RGS6: variants seen among roughly 807,000 people sequenced by gnomAD.
RGS6 encodes regulator of G-protein signaling 6.
RGS6 carries 30 observed loss-of-function variants against 78.5 expected under a neutral mutation model. The ratio of observed to expected loss-of-function variants is 0.38; its 90% CI spans 0.29 to 0.52. The LOEUF (loss-of-function observed/expected upper bound fraction) is 0.52, where lower values mean the gene tolerates loss of function less well. Among genes scored for constraint, RGS6 ranks in the 20% least tolerant of loss-of-function variants. The probability of loss-of-function intolerance (pLI) is 0.85; values close to 1 mark genes in which losing one functional copy is unlikely to be tolerated. For missense variants in RGS6, 495 were observed against 609.7 expected (o/e 0.81, Z 1.98); for synonymous variants, 206 against 206.0 (o/e 1.00, Z 0.00).
intron 2 of RGS6, among the ~76,000 whole-genome samples, chr14:72,140,260 A>G (rs1201531535): frequency 6.6e-6 from 1 of 152,262 alleles, no homozygotes; most frequent in Non-Finnish European, 1.5e-5. Flanking sequence ...GATCTCCTGT[A>G]GGAAGAGAAG....
Position 72,518,521 on chromosome 14 carries a change from C to T in RGS6, c.1262C>T (p.Thr421Ile). 6.2e-7 allele frequency: 1 copy of T among 1,614,102 alleles called. No individual in the cohort carries two copies. Among genetic ancestry groups the T allele is most frequent in the Non-Finnish European group, 8.5e-7 (1 of 1,179,954 alleles). Reference sequence around the variant, plus strand: ...AATGTCAAAGATGGAGGGAGATATACATTTGAAGACGCCCAGGTTTGCTTA... The same window carrying T: ...AATGTCAAAGATGGAGGGAGATATATATTTGAAGACGCCCAGGTTTGCTTA... Reference protein sequence around the residue: ...SQNVKDGGRYTFEDAQEHIYK... With the variant: ...SQNVKDGGRYIFEDAQEHIYK... The change falls in exon 15 of 18, where the codon ACA becomes ATA. Residue 421 changes from threonine to isoleucine, a missense_variant. Thr to Ile is a moderately conservative substitution (Grantham distance 89). Coordinates refer to ENST00000553525, the MANE Select transcript of RGS6 (RefSeq NM_001204424.2).
At chr14:71,915,673 G>A in the RGS6 span, among the ~76,000 whole-genome samples, 1 of 152,330 alleles carries the variant, frequency 6.6e-6, no homozygotes, top group South Asian at 2.1e-4. Context: ...TTGTGCTGAA[G>A]TGATTGGTTC....
At chr14:72,404,825 C>T (rs564199994) in intron 3 of RGS6, among the ~76,000 whole-genome samples, 2 of 152,250 alleles carry the variant, frequency 1.3e-5, no homozygotes, top group East Asian at 3.9e-4. Flanking sequence ...ATAGCGAGAG[C>T]ACCTCAGAAG....
chr14:72,207,373 T>C (rs2153748786), intron 2 of RGS6, among the ~76,000 whole-genome samples: 1 of 152,344 alleles, frequency 6.6e-6, no homozygotes, highest in Admixed American at 6.5e-5. Context: ...AAACTAGGCA[T>C]TTGAAATGGG....
At chr14:71,956,694 G>A (rs1055838036) in intron 1 of RGS6, among the ~76,000 whole-genome samples, 4 of 152,052 alleles carry the variant, frequency 2.6e-5, no homozygotes, top group African/African-American at 7.2e-5. Flanking sequence ...CCCAGCCCAC[G>A]GACTTAAATG....
Position 72,478,410 on chromosome 14 carries a change from T to C in RGS6, c.854+81T>C, listed in dbSNP as rs1217492950. ...GTTACAGGGTTATGGTTAACGAATG[T>C]GTTCAATGCCAAGAGTTAGACTGTA... On this transcript the variant is annotated intron_variant, in intron 12 of 17. Coordinates refer to ENST00000553525, the MANE Select transcript of RGS6 (RefSeq NM_001204424.2). 8 of 1,003,638 alleles carry C rather than the reference T, an allele frequency of 8.0e-6. 1 individual carries two copies. Among genetic ancestry groups the C allele is most frequent in the Middle Eastern group, 6.0e-4 (2 of 3,356 alleles). The allele number at this position is 1,003,638 out of a possible 1,614,324, so 62.2% of individuals were successfully genotyped here.
intron 2 of RGS6, among the ~76,000 whole-genome samples, chr14:72,037,413 C>T (rs777082138): frequency 9.2e-5 from 14 of 152,130 alleles, no homozygotes; most frequent in African/African-American, 1.9e-4. Context: ...TCAGCGAGGC[C>T]GTGAACTCAC....
intron 3 of RGS6, among the ~76,000 whole-genome samples, chr14:72,437,289 C>T (rs569925941): frequency 2.8e-5 from 4 of 144,442 alleles, no homozygotes; most frequent in Non-Finnish European, 6.0e-5. Flanking sequence ...TGCAGTGAGC[C>T]GAGATCATGC....
At chr14:71,976,710 C>G (rs539889358) in intron 2 of RGS6, among the ~76,000 whole-genome samples, 4 of 152,124 alleles carry the variant, frequency 2.6e-5, no homozygotes, top group African/African-American at 7.2e-5. Context: ...TGAATAATGC[C>G]GCAATAAACA....
At chr14:72,282,637 A>G (rs2061772643) in intron 2 of RGS6, among the ~76,000 whole-genome samples, 1 of 152,200 alleles carries the variant, frequency 6.6e-6, no homozygotes, top group South Asian at 2.1e-4. Flanking sequence ...AAAAGGACAC[A>G]TATTTCATGT....
intron 14 of RGS6, among the ~76,000 whole-genome samples, chr14:72,516,593 C>T (rs1029289458): frequency 2.6e-5 from 4 of 152,172 alleles, no homozygotes; most frequent in African/African-American, 7.2e-5. Context: ...AGGCCACCTG[C>T]GGAGAGAAGG....
At chr14:72,115,515 A>G (rs2095866531) in intron 2 of RGS6, among the ~76,000 whole-genome samples, 1 of 151,874 alleles carries the variant, frequency 6.6e-6, no homozygotes, top group African/African-American at 2.4e-5. Context: ...TCTCCATGGA[A>G]CTCAGCCTGC....
intron 14 of RGS6, among the ~76,000 whole-genome samples, chr14:72,512,921 G>A (rs1316718111): frequency 6.6e-6 from 1 of 152,234 alleles, no homozygotes; most frequent in Non-Finnish European, 1.5e-5. Context: ...TGGCTATACA[G>A]ATGCACCTCC....
intron 3 of RGS6, among the ~76,000 whole-genome samples, chr14:72,396,722 T>C (rs903423220): frequency 4.6e-5 from 7 of 152,108 alleles, no homozygotes; most frequent in African/African-American, 1.2e-4. Flanking sequence ...AATTTTTGTA[T>C]AAGGTGTAAG....
At chr14:72,461,113 C>T (rs1289625269) in intron 6 of RGS6, among the ~76,000 whole-genome samples, 1 of 152,144 alleles carries the variant, frequency 6.6e-6, no homozygotes, top group African/African-American at 2.4e-5. Context: ...GTGAGAGCTG[C>T]ATTTGACCGC....
At chr14:72,447,969 G>A (rs1274163388) in intron 3 of RGS6, among the ~76,000 whole-genome samples, 1 of 152,176 alleles carries the variant, frequency 6.6e-6, no homozygotes, top group Admixed American at 6.5e-5. Flanking sequence ...CTCCCGCAGT[G>A]TACTGTTCTC....
the RGS6 span, among the ~76,000 whole-genome samples, chr14:71,906,421 G>A: frequency 6.6e-5 from 10 of 152,326 alleles, no homozygotes; most frequent in African/African-American, 2.2e-4. Context: ...CAGACTGGGT[G>A]AGGAAGTGTC....
the RGS6 span, among the ~76,000 whole-genome samples, chr14:71,902,725 T>G: frequency 6.6e-6 from 1 of 152,180 alleles, no homozygotes; most frequent in African/African-American, 2.4e-5. Context: ...AATAAAAACA[T>G]AAACTTATTT....
At chr14:72,358,255 G>A (rs1236902997) in intron 3 of RGS6, among the ~76,000 whole-genome samples, 1 of 152,208 alleles carries the variant, frequency 6.6e-6, no homozygotes, top group African/African-American at 2.4e-5. Context: ...AGGGAAATGT[G>A]GGGTTGGAGT....
Sources: allele counts gnomAD v4.1 joint callset (sites outside exome capture counted in the v4.1 genomes callset), GRCh38; gene constraint gnomAD v4.1.1; transcripts MANE v1.5; gene names NCBI Gene and HGNC (gene_info 2026-07-23, HGNC 2026-07-21).